Variants in KLRG2 observed in about 807,000 individuals in gnomAD.
The protein encoded by KLRG2 is killer cell lectin-like receptor subfamily G member 2.
Under a neutral mutation model 35.4 loss-of-function variants are expected in KLRG2, and 39 were observed. The ratio of observed to expected loss-of-function variants is 1.10; its 90% CI spans 0.85 to 1.44. The LOEUF (loss-of-function observed/expected upper bound fraction) is 1.44. KLRG2 is among the 40% of genes most tolerant of loss of function. KLRG2 has a pLI of 0.00. For synonymous variants in KLRG2, 283 were observed against 265.8 expected (o/e 1.06, Z -0.63); for missense variants, 632 against 570.9 (o/e 1.11, Z -1.09).
At chr7:139,439,290 T>C in the KLRG2 span, among the ~76,000 whole-genome samples, 1 of 152,204 alleles carries the variant, frequency 6.6e-6, no homozygotes, top group Non-Finnish European at 1.5e-5. Flanking sequence ...ACTCCGCTTC[T>C]ACGAACTCTA....
At chr7:139,480,027 G>T (rs1796927203) in intron 2 of KLRG2, 119 bp downstream of exon 2, 2 of 793,748 alleles carry the variant, frequency 2.5e-6, no homozygotes, top group Non-Finnish European at 4.3e-6. Flanking sequence ...CAAGCACCAT[G>T]TCTTCGTGTT....
At position 139,480,249 on chromosome 7, in the gene KLRG2, T is replaced by A; in HGVS notation, c.758-2A>T. 1 of 1,568,554 alleles carries A rather than the reference T, an allele frequency of 6.4e-7. No homozygotes were observed. The highest frequency in any genetic ancestry group is 8.8e-7 in the Non-Finnish European group (1 of 1,138,900). On this transcript the variant is annotated splice_acceptor_variant, in intron 1 of 4. Transcript: ENST00000340940. LOFTEE classifies it high-confidence loss of function. Reference sequence around the variant, plus strand: ...GGGACTTCACGTACATGGGTAGCCCTGGGACGGGGGCAAACAGGATAATCA... The same window carrying A: ...GGGACTTCACGTACATGGGTAGCCCAGGGACGGGGGCAAACAGGATAATCA...
chr7:139,460,189 G>A (rs1413108738), intron 3 of KLRG2, among the ~76,000 whole-genome samples: 1 of 151,282 alleles, frequency 6.6e-6, no homozygotes, highest in African/African-American at 2.4e-5. Flanking sequence ...CCCTCCAGCA[G>A]ATTTTTACAT....
intron 3 of KLRG2, among the ~76,000 whole-genome samples, chr7:139,478,418 C>G (rs1054976937): frequency 2.0e-5 from 3 of 150,828 alleles, no homozygotes; most frequent in African/African-American, 7.3e-5. Flanking sequence ...ACCTGTAATC[C>G]CAGCACTTTG....
the KLRG2 span, among the ~76,000 whole-genome samples, chr7:139,435,052 A>G: frequency 6.6e-6 from 1 of 152,218 alleles, no homozygotes; most frequent in Non-Finnish European, 1.5e-5. Context: ...GGGGAGTTGA[A>G]TGTAGTTTAG....
chr7:139,480,125 G>C (rs753016531), intron 2 of KLRG2, 21 bp downstream of exon 2: 11 of 1,504,292 alleles, frequency 7.3e-6, no homozygotes, highest in Middle Eastern at 3.4e-4. Flanking sequence ...AGAGGGGATG[G>C]GGACTGCAGG....
downstream of KLRG2, among the ~76,000 whole-genome samples, chr7:139,450,425 G>A (rs892670792): frequency 4.0e-5 from 6 of 151,338 alleles, no homozygotes; most frequent in East Asian, 3.9e-4. Flanking sequence ...GGGTTTCACC[G>A]TGTTAGCCAG....
At chr7:139,433,625 CTTTTTTTT>C in the KLRG2 span, among the ~76,000 whole-genome samples, 1 of 119,016 alleles carries the variant, frequency 8.4e-6, no homozygotes, top group East Asian at 2.3e-4. Context: ...TGCGCCCGGC[CTTTTTTTT>C]TTTTTTTTTT....
the KLRG2 span, among the ~76,000 whole-genome samples, chr7:139,430,134 G>T: frequency 2.6e-5 from 4 of 152,250 alleles, no homozygotes; most frequent in Admixed American, 2.6e-4. Flanking sequence ...CGGGCGCAAT[G>T]GCTAATGCTT....
At chr7:139,458,768 G>C (rs1017025955) in intron 3 of KLRG2, among the ~76,000 whole-genome samples, 7 of 152,202 alleles carry the variant, frequency 4.6e-5, no homozygotes, top group Non-Finnish European at 1.0e-4. Context: ...AAGCAAAGTT[G>C]TTATTAAACT....
At chr7:139,428,913 AAC>A in the KLRG2 span, among the ~76,000 whole-genome samples, 2 of 152,238 alleles carry the variant, frequency 1.3e-5, no homozygotes, top group African/African-American at 4.8e-5. Context: ...GAGCGGGTGT[AAC>A]AAATTGTTCA....
In KLRG2 at chr7:139,454,152, CT is replaced by C. The variant is rs1232912752; in HGVS notation, c.1067del (p.Gln356ArgfsTer77). On this transcript the variant is annotated frameshift_variant, in exon 4 of 5. Coordinates refer to ENST00000340940, the MANE Select transcript of KLRG2 (RefSeq NM_198508.4). LOFTEE classifies it low-confidence loss of function (END_TRUNC). ...GGGCCTCGTCGATCCAGTGCCAGCC[CT>C]GGGGGCCTCGCCAGGCCCCCACCCA... Reference protein sequence around the residue: ...HSWVGAWRGPQGWHWIDEAPL... With the variant: ...HSWVGAWRGPXGWHWIDEAPL... 6.5e-7 allele frequency: 1 copy of C among 1,546,442 alleles called. No individual in the cohort carries two copies. Among genetic ancestry groups the C allele is most frequent in the Non-Finnish European group, 8.7e-7 (1 of 1,144,714 alleles).
the KLRG2 span, among the ~76,000 whole-genome samples, chr7:139,433,188 A>G: frequency 6.6e-6 from 1 of 152,252 alleles, no homozygotes; most frequent in African/African-American, 2.4e-5. Context: ...CTCAGTCTCC[A>G]TCCTCACCAA....
chr7:139,466,129 T>C (rs573626144), intron 3 of KLRG2, among the ~76,000 whole-genome samples: 34 of 152,194 alleles, frequency 2.2e-4, no homozygotes, highest in African/African-American at 8.2e-4. Flanking sequence ...TCCTCAGGGA[T>C]TATTCAGGCC....
At chr7:139,476,854 C>T (rs1796858465) in intron 3 of KLRG2, among the ~76,000 whole-genome samples, 1 of 152,164 alleles carries the variant, frequency 6.6e-6, no homozygotes, top group African/African-American at 2.4e-5. Flanking sequence ...ACCGTCCCTT[C>T]ACAGCACAGA....
chr7:139,461,451 T>G (rs543175583), intron 3 of KLRG2, among the ~76,000 whole-genome samples: 1 of 152,300 alleles, frequency 6.6e-6, no homozygotes, highest in East Asian at 1.9e-4. Context: ...ACAGGGCTGT[T>G]TGGACTTTAG....
At chr7:139,437,425 CAAAA>C in the KLRG2 span, among the ~76,000 whole-genome samples, 56 of 73,222 alleles carry the variant, frequency 7.6e-4, 1 homozygote, top group African/African-American at 2.1e-3. Flanking sequence ...ACTCCATCTC[CAAAA>C]AAAAAAAAAA....
intron 3 of KLRG2, among the ~76,000 whole-genome samples, chr7:139,465,691 C>CAAAAAAAAAAA (rs573464243): frequency 1.0e-5 from 1 of 95,250 alleles, no homozygotes. Flanking sequence ...GACTCTGTCT[C>CAAAAAAAAAAA]AAAAAAAAAA....
chr7:139,474,989 G>C (rs1164362713), intron 3 of KLRG2, among the ~76,000 whole-genome samples: 1 of 152,092 alleles, frequency 6.6e-6, no homozygotes, highest in Non-Finnish European at 1.5e-5. Flanking sequence ...GGAGGGTCCT[G>C]GCCCATCTCT....
Sources: allele counts gnomAD v4.1 joint callset (sites outside exome capture counted in the v4.1 genomes callset), GRCh38; gene constraint gnomAD v4.1.1; transcripts MANE v1.5; gene names NCBI Gene and HGNC (gene_info 2026-07-23, HGNC 2026-07-21).